The following FREM2 variants were observed in gnomAD, a reference collection of about 807,000 sequenced individuals.
FREM2 encodes the protein FRAS1-related extracellular matrix protein 2.
A neutral mutation model predicts 219.9 loss-of-function variants in FREM2; 119 were observed. That is an observed-to-expected ratio of 0.54 (90% CI 0.47 to 0.63). The LOEUF (loss-of-function observed/expected upper bound fraction) is 0.63, where lower values mean the gene tolerates loss of function less well. Ranked by LOEUF, FREM2 falls within the 30% of genes least tolerant of loss-of-function variation. FREM2 has a pLI of 0.00. For missense variants in FREM2, 4,030 were observed against 3,993.6 expected, an observed-to-expected ratio of 1.01 and a Z score of -0.25; for synonymous variants, 1,562 against 1,522.8, an observed-to-expected ratio of 1.03 and a Z score of -0.60.
intron 16 of FREM2, among the ~76,000 whole-genome samples, chr13:38,871,605 C>T (rs1378943764): frequency 1.3e-5 from 2 of 152,112 alleles, no homozygotes; most frequent in East Asian, 1.9e-4. Context: ...TGATCTTGTC[C>T]GAGCCATTCA....
rs758257727 is a variant in FREM2, at chr13:38,691,229, A to G, written c.3885A>G (p.Ile1295Met). 6.2e-7 allele frequency: 1 copy of G among 1,614,054 alleles called. No individual in the cohort carries two copies. The highest frequency in any genetic ancestry group is 1.1e-5 in the South Asian group (1 of 91,084). ...CTGTGGAAAAGACGGTCCTCATTAT[A>G]GTTATCCCTGTTGATGATGAGACGC... ...KHSVEKTVLI[I>M]VIPVDDETPR... The change falls in exon 1 of 24, where the codon ATA (isoleucine) becomes ATG (methionine). Residue 1295 changes from isoleucine to methionine, a missense_variant. By Grantham distance (10) the Ile-to-Met change is conservative (BLOSUM62 1). This residue lies in a region of FREM2 where 3,102 missense variants were observed against 2,950.7 expected (regional missense o/e 1.05). Transcript: ENST00000280481.
intron 2 of FREM2, among the ~76,000 whole-genome samples, chr13:38,713,468 T>C (rs1453313044): frequency 6.6e-6 from 1 of 152,244 alleles, no homozygotes; most frequent in East Asian, 1.9e-4. Context: ...CATTATTTTT[T>C]GTCACCTACT....
intron 2 of FREM2, among the ~76,000 whole-genome samples, chr13:38,717,975 TA>T (rs1485830998): frequency 2.6e-5 from 4 of 152,220 alleles, no homozygotes; most frequent in Non-Finnish European, 4.4e-5. Context: ...ATGCTCATTA[TA>T]AGAGAAATAG....
rs1878540790 is a variant in FREM2, at chr13:38,881,306, C to G, written c.*519C>G. The G allele has an allele frequency of 6.0e-6, 1 of 167,610 alleles. No individual in the cohort carries two copies. The highest frequency in any genetic ancestry group is 1.3e-5 in the Non-Finnish European group (1 of 76,776). The allele number at this position is 167,610 out of a possible 1,614,324, so 10.4% of individuals were successfully genotyped here. On this transcript the variant is annotated 3_prime_UTR_variant, in exon 24 of 24. Transcript: ENST00000280481. ...GGTGAAGACAGCATAGAATTATGAC[C>G]AGGGTGGCTCAACCCACAAATCAAC...
chr13:38,725,997 C>A (rs1466966202), intron 2 of FREM2, among the ~76,000 whole-genome samples: 3 of 152,104 alleles, frequency 2.0e-5, no homozygotes, highest in Non-Finnish European at 4.4e-5. Flanking sequence ...TATCTTGAAG[C>A]CAACAGATCA....
rs752578272 is a variant in FREM2 at position 38,687,715 on chromosome 13, C to T, written c.371C>T (p.Pro124Leu). 6.4e-7 allele frequency: 1 copy of T among 1,555,956 alleles called. No individual in the cohort carries two copies. Among genetic ancestry groups the T allele is most frequent in the Non-Finnish European group, 8.7e-7 (1 of 1,148,436 alleles). ...GCCCAGCGACCGGGCCGCCTGAGTCCCAAGCGCTTCCCGTGCGACTTTGGC... is the reference window on the plus strand; with the variant it reads ...GCCCAGCGACCGGGCCGCCTGAGTCTCAAGCGCTTCCCGTGCGACTTTGGC... ...ALAQRPGRLS[P>L]KRFPCDFGPG... Residue 124 changes from proline to leucine, a missense_variant, in exon 1 of 24, where the codon CCC (proline) becomes CTC (leucine). Coordinates refer to ENST00000280481, the MANE Select transcript of FREM2 (RefSeq NM_207361.6).
chr13:38,856,281 A>C (rs1434599073), intron 12 of FREM2, 25 bp downstream of exon 12: 1 of 1,605,390 alleles, frequency 6.2e-7, no homozygotes, highest in South Asian at 1.1e-5. Flanking sequence ...GTGTATGTAA[A>C]TTCATGGCTA....
chr13:38,722,261 T>A (rs1871306432), intron 2 of FREM2, among the ~76,000 whole-genome samples: 1 of 152,170 alleles, frequency 6.6e-6, no homozygotes, highest in Non-Finnish European at 1.5e-5. Flanking sequence ...GGGTTCCCTC[T>A]GTTGCCCAGG....
chr13:38,835,924 A>G (rs377682440), intron 6 of FREM2, among the ~76,000 whole-genome samples: 185 of 152,316 alleles, frequency 1.2e-3, no homozygotes, highest in African/African-American at 4.3e-3. Context: ...TCCTATATGA[A>G]TACCTTTATT....
chr13:38,721,839 T>G (rs1201448993), intron 2 of FREM2, among the ~76,000 whole-genome samples: 1 of 152,148 alleles, frequency 6.6e-6, no homozygotes, highest in Non-Finnish European at 1.5e-5. Context: ...GAAATTAAAC[T>G]CCTGATAATA....
At chr13:38,783,967 C>T (rs771597798) in intron 5 of FREM2, among the ~76,000 whole-genome samples, 29 of 152,358 alleles carry the variant, frequency 1.9e-4, no homozygotes, top group Admixed American at 5.9e-4. Context: ...TGGTGGCGCG[C>T]ACGCGCCTGT....
At position 38,688,962 on chromosome 13, in the gene FREM2, G is replaced by A; in HGVS notation, c.1618G>A (p.Gly540Arg). The change falls in exon 1 of 24, where the codon GGA (glycine) becomes AGA (arginine). Residue 540 changes from glycine (G) to arginine (R), a missense_variant. Transcript: ENST00000280481. ...DNLVLRMVDGGGRHQVQFLFP... is the reference protein window; with the variant it reads ...DNLVLRMVDGRGRHQVQFLFP... ...CCTGGTGCTTCGCATGGTGGATGGAGGAGGCAGGCACCAGGTACAGTTTCT... is the reference window on the plus strand; with the variant it reads ...CCTGGTGCTTCGCATGGTGGATGGAAGAGGCAGGCACCAGGTACAGTTTCT... The A allele has an allele frequency of 6.2e-7, 1 of 1,613,490 alleles. No homozygotes were observed. The highest frequency in any genetic ancestry group is 8.5e-7 in the Non-Finnish European group (1 of 1,179,702).
chr13:38,867,784 T>G (rs1392033756), intron 16 of FREM2, among the ~76,000 whole-genome samples: 3 of 152,214 alleles, frequency 2.0e-5, no homozygotes, highest in African/African-American at 7.2e-5. Context: ...AGAGAGATAA[T>G]TCACAACCAC....
chr13:38,769,924 A>G lies in FREM2; in HGVS notation c.5641+116A>G, dbSNP rs1325992511. ...AATGTTTGAAATTTCCATAGAGAGA[A>G]CCTTCTAGATTAATGATTCATTATT... On this transcript the variant is annotated intron_variant, in intron 4 of 23. Transcript: ENST00000280481. The G allele has an allele frequency of 1.0e-5, 8 of 783,174 alleles. No homozygotes were observed. The East Asian group carries it at 1.3e-4, about 13-fold the overall frequency. The allele number at this position is 783,174 out of a possible 1,614,324, so 48.5% of individuals were successfully genotyped here. A position where few individuals can be genotyped will look rare whatever the true frequency, so the allele number is the denominator to read the frequency against.
At chr13:38,797,594 A>G (rs1175989002) in intron 6 of FREM2, among the ~76,000 whole-genome samples, 1 of 152,016 alleles carries the variant, frequency 6.6e-6, no homozygotes, top group African/African-American at 2.4e-5. Context: ...TTTGATGTTT[A>G]GAGGCTTTTT....
At chr13:38,863,654 G>T (rs1877845456) in intron 15 of FREM2, among the ~76,000 whole-genome samples, 1 of 152,054 alleles carries the variant, frequency 6.6e-6, no homozygotes, top group African/African-American at 2.4e-5. Context: ...CATTCAATCT[G>T]TTGCAATTTA....
chr13:38,730,489 A>G (rs933228816), intron 2 of FREM2, among the ~76,000 whole-genome samples: 3 of 152,186 alleles, frequency 2.0e-5, no homozygotes, highest in Non-Finnish European at 2.9e-5. Context: ...TCGCTGTTCT[A>G]TCAGTGTGAA....
At chr13:38,859,715 A>G in intron 14 of FREM2, 125 bp downstream of exon 14, 2 of 961,868 alleles carry the variant, frequency 2.1e-6, no homozygotes, top group Middle Eastern at 3.2e-4. Context: ...GTAGTGAAAA[A>G]TTAAAATCTA....
chr13:38,699,973 C>T (rs1279676480), intron 2 of FREM2, among the ~76,000 whole-genome samples: 1 of 151,844 alleles, frequency 6.6e-6, no homozygotes, highest in Admixed American at 6.6e-5. Flanking sequence ...GTATTTCACC[C>T]CTGGGAAGCA....
Sources: gnomAD v4.1 joint callset for allele counts (sites outside exome capture counted in the v4.1 genomes callset) on GRCh38, gnomAD v4.1.1 for gene constraint, gnomAD v4.1.1 regional missense constraint, MANE v1.5 for transcripts, NCBI Gene and HGNC (gene_info 2026-07-23, HGNC 2026-07-21) for gene names.